CTNNA3: variants seen among roughly 807,000 people sequenced by gnomAD.
The protein encoded by CTNNA3 is catenin alpha 3.
A neutral mutation model predicts 95.7 loss-of-function variants in CTNNA3; 76 were observed. The observed-to-expected ratio is 0.79, with a 90% CI of 0.66 to 0.96. The LOEUF (loss-of-function observed/expected upper bound fraction) is 0.96. CTNNA3 is among the 40% of genes least tolerant of loss of function. CTNNA3 has a pLI of 0.00. For missense variants in CTNNA3, 1,191 were observed against 1,089.8 expected (o/e 1.09, Z -1.31); for synonymous variants, 431 against 374.4 (o/e 1.15, Z -1.74).
chr10:66,278,437 T>C (rs1021213661), intron 13 of CTNNA3, among the ~76,000 whole-genome samples: 7 of 151,914 alleles, frequency 4.6e-5, no homozygotes, highest in Admixed American at 3.9e-4. Flanking sequence ...GAGAAAAAGT[T>C]AACAGAAATG....
At chr10:66,689,552 T>C (rs984924202) in intron 9 of CTNNA3, among the ~76,000 whole-genome samples, 1 of 152,204 alleles carries the variant, frequency 6.6e-6, no homozygotes, top group Non-Finnish European at 1.5e-5. Context: ...AAAGAGGTGA[T>C]ATTAATTATA....
At chr10:67,628,162 A>G (rs1839021345) in intron 2 of CTNNA3, among the ~76,000 whole-genome samples, 1 of 151,624 alleles carries the variant, frequency 6.6e-6, no homozygotes, top group African/African-American at 2.4e-5. Context: ...CTACAAAACT[A>G]GAATTTTATT....
chr10:67,157,449 C>A (rs1301473129), intron 7 of CTNNA3, among the ~76,000 whole-genome samples: 1 of 152,098 alleles, frequency 6.6e-6, no homozygotes, highest in African/African-American at 2.4e-5. Context: ...GAAGCTACAA[C>A]CCCTTGAAAT....
At chr10:67,304,672 A>AT (rs1209955620) in intron 5 of CTNNA3, among the ~76,000 whole-genome samples, 13 of 152,020 alleles carry the variant, frequency 8.6e-5, no homozygotes, top group Non-Finnish European at 4.4e-5. Context: ...TCACCCAATC[A>AT]TTACTTGGTA....
chr10:67,713,228 G>A (rs374841160), intron 1 of CTNNA3, among the ~76,000 whole-genome samples: 29 of 152,256 alleles, frequency 1.9e-4, no homozygotes, highest in Non-Finnish European at 2.8e-4. Flanking sequence ...TCAAAACCAC[G>A]ATGAGATAAC....
At chr10:66,848,249 A>G (rs779668129) in intron 7 of CTNNA3, among the ~76,000 whole-genome samples, 2 of 152,222 alleles carry the variant, frequency 1.3e-5, no homozygotes, top group African/African-American at 4.8e-5. Context: ...TTTTTGAGAT[A>G]GTTACACATA....
intron 7 of CTNNA3, among the ~76,000 whole-genome samples, chr10:66,807,557 A>G (rs2132253662): frequency 6.6e-6 from 1 of 152,204 alleles, no homozygotes; most frequent in East Asian, 1.9e-4. Flanking sequence ...TGGTCATTGG[A>G]CTGTTACCTG....
chr10:67,489,461 T>A (rs1021414413), intron 5 of CTNNA3, among the ~76,000 whole-genome samples: 1 of 152,182 alleles, frequency 6.6e-6, no homozygotes, highest in Non-Finnish European at 1.5e-5. Context: ...TGAGCATGTA[T>A]TCACTAGAAG....
intron 15 of CTNNA3, among the ~76,000 whole-genome samples, chr10:65,996,162 A>C (rs917305101): frequency 2.6e-5 from 4 of 152,088 alleles, no homozygotes; most frequent in Non-Finnish European, 5.9e-5. Flanking sequence ...CAGTGTCCAG[A>C]ATTGGTGGAA....
intron 13 of CTNNA3, among the ~76,000 whole-genome samples, chr10:66,227,378 T>TC (rs2089356798): frequency 6.9e-6 from 1 of 145,694 alleles, no homozygotes; most frequent in African/African-American, 2.8e-5. Context: ...AAGAGGTGTT[T>TC]TTTTTTTTTT....
intron 11 of CTNNA3, among the ~76,000 whole-genome samples, chr10:66,407,289 A>T (rs944914165): frequency 6.6e-6 from 1 of 151,816 alleles, no homozygotes; most frequent in African/African-American, 2.4e-5. Flanking sequence ...AAACACATCT[A>T]AAAAAACCTA....
intron 11 of CTNNA3, among the ~76,000 whole-genome samples, chr10:66,433,001 G>C (rs971899859): frequency 8.5e-5 from 13 of 152,130 alleles, no homozygotes; most frequent in African/African-American, 2.4e-4. Flanking sequence ...TGGCTGCATA[G>C]TATTCTATGG....
At chr10:67,655,814 T>G (rs1436238344) in intron 1 of CTNNA3, among the ~76,000 whole-genome samples, 2 of 150,854 alleles carry the variant, frequency 1.3e-5, no homozygotes, top group Admixed American at 1.3e-4. Context: ...TTATCTTGAA[T>G]GCATAACTGA....
chr10:67,190,201 T>C (rs1375901391), intron 6 of CTNNA3, among the ~76,000 whole-genome samples: 1 of 151,980 alleles, frequency 6.6e-6, no homozygotes, highest in Non-Finnish European at 1.5e-5. Flanking sequence ...TGGCTCTACA[T>C]GTATTTGAGT....
In CTNNA3 at chr10:66,553,549, C is replaced by T. The variant is rs528477010; in HGVS notation, c.1375-32776G>A. Among the ~76,000 whole-genome samples, 30 of 51,824 alleles carry T rather than the reference C, an allele frequency of 5.8e-4. No homozygotes were observed. In the South Asian group the frequency reaches 0.015, roughly 26 times the overall value. The allele number at this position is 51,824 out of a possible 152,430, so 34.0% of individuals were successfully genotyped here. A position where few individuals can be genotyped will look rare whatever the true frequency, so the allele number is the denominator to read the frequency against. ...TTTTTTTTTTTTTTTTTTTTTGAGGCGGAGTCTTGCTCTGTCACCCAGGCT... is the reference window on the plus strand; with the variant it reads ...TTTTTTTTTTTTTTTTTTTTTGAGGTGGAGTCTTGCTCTGTCACCCAGGCT... On this transcript the variant is annotated intron_variant, in intron 10 of 17. Transcript: ENST00000433211.
chr10:67,688,861 C>A (rs1840787037), intron 1 of CTNNA3, among the ~76,000 whole-genome samples: 2 of 152,160 alleles, frequency 1.3e-5, no homozygotes, highest in Admixed American at 1.3e-4. Context: ...CCGCAACGGT[C>A]CCTGGACCCT....
At chr10:67,349,663 T>C (rs960626141) in intron 5 of CTNNA3, among the ~76,000 whole-genome samples, 2 of 152,172 alleles carry the variant, frequency 1.3e-5, no homozygotes, top group Non-Finnish European at 2.9e-5. Flanking sequence ...AATACTATAT[T>C]GCACACTTAA....
chr10:67,427,129 T>C (rs1845949089), intron 5 of CTNNA3, among the ~76,000 whole-genome samples: 1 of 152,052 alleles, frequency 6.6e-6, no homozygotes, highest in African/African-American at 2.4e-5. Context: ...TGATTCTTTA[T>C]GGGTACCAGG....
At chr10:67,758,070 A>G (rs1841443167) in intron 1 of CTNNA3, among the ~76,000 whole-genome samples, 1 of 152,086 alleles carries the variant, frequency 6.6e-6, no homozygotes, top group South Asian at 2.1e-4. Flanking sequence ...AAGGCAGAGG[A>G]AGGGCAAATT....
Sources: allele counts gnomAD v4.1 joint callset (sites outside exome capture counted in the v4.1 genomes callset), GRCh38; gene constraint gnomAD v4.1.1; transcripts MANE v1.5; gene names NCBI Gene and HGNC (gene_info 2026-07-23, HGNC 2026-07-21).